The following CDH8 variants were observed in gnomAD, a reference collection of about 807,000 sequenced individuals.
The protein encoded by CDH8 is cadherin-8.
In CDH8, 17 loss-of-function variants were observed where a neutral mutation model predicts 68.1. The observed-to-expected ratio is 0.25, with a 90% CI of 0.17 to 0.37. The LOEUF is 0.37. CDH8 is among the 10% of genes least tolerant of loss of function. CDH8 has a pLI of 1.00. For synonymous variants in CDH8, 372 were observed against 365.1 expected, an observed-to-expected ratio of 1.02 and a Z score of -0.21; for missense variants, 763 against 999.3, an observed-to-expected ratio of 0.76 and a Z score of 3.19.
At chr16:61,695,449 C>T (rs1232074771) in intron 10 of CDH8, among the ~76,000 whole-genome samples, 1 of 152,102 alleles carries the variant, frequency 6.6e-6, no homozygotes, top group Non-Finnish European at 1.5e-5. Context: ...TAGTTCATGA[C>T]CTTATTTGGG....
intron 2 of CDH8, among the ~76,000 whole-genome samples, chr16:61,991,772 C>A (rs146909335): frequency 0.018 from 2,790 of 152,186 alleles, 37 homozygotes; most frequent in Non-Finnish European, 0.027. Context: ...ATCTATAATT[C>A]TGGAAGAGTT....
chr16:61,742,287 T>C (rs1241035905), intron 8 of CDH8, among the ~76,000 whole-genome samples: 5 of 152,118 alleles, frequency 3.3e-5, no homozygotes, highest in African/African-American at 1.2e-4. Flanking sequence ...ATCATGTTGA[T>C]TGTGAGTAAT....
intron 2 of CDH8, among the ~76,000 whole-genome samples, chr16:61,914,704 C>G (rs1451613634): frequency 6.7e-6 from 1 of 150,260 alleles, no homozygotes; most frequent in Non-Finnish European, 1.5e-5. Flanking sequence ...GCACATGTAC[C>G]CTAGAACTGA....
chr16:61,828,291 T>G (rs1169217377), intron 4 of CDH8, among the ~76,000 whole-genome samples: 1 of 151,880 alleles, frequency 6.6e-6, no homozygotes, highest in African/African-American at 2.4e-5. Flanking sequence ...GTTTAGCATA[T>G]CATCAAGAAA....
intron 3 of CDH8, among the ~76,000 whole-genome samples, chr16:61,862,326 C>T (rs1312310921): frequency 6.6e-6 from 1 of 152,054 alleles, no homozygotes; most frequent in African/African-American, 2.4e-5. Context: ...GGCTAGACAC[C>T]GGGCACATCA....
intron 2 of CDH8, among the ~76,000 whole-genome samples, chr16:62,010,617 T>C (rs1255492431): frequency 1.3e-5 from 2 of 152,186 alleles, no homozygotes; most frequent in South Asian, 2.1e-4. Flanking sequence ...ATAGATACTA[T>C]CATTTTATTC....
intron 2 of CDH8, among the ~76,000 whole-genome samples, chr16:61,970,609 G>A (rs540876600): frequency 3.9e-5 from 6 of 152,288 alleles, no homozygotes; most frequent in South Asian, 4.1e-4. Context: ...GACACAGAAC[G>A]CTTCTGTGAC....
chr16:61,744,678 CATT>C (rs1227003602), intron 8 of CDH8, among the ~76,000 whole-genome samples: 2 of 151,222 alleles, frequency 1.3e-5, no homozygotes, highest in African/African-American at 2.4e-5. Flanking sequence ...TCCATTTCCC[CATT>C]ATTATATTAC....
chr16:61,778,610 T>C (rs1269031743), intron 8 of CDH8, among the ~76,000 whole-genome samples: 6 of 152,174 alleles, frequency 3.9e-5, no homozygotes, highest in African/African-American at 1.4e-4. Flanking sequence ...TATGTCTCCA[T>C]CATTTTCTTA....
At chr16:61,783,853 G>A (rs1171248417) in intron 8 of CDH8, among the ~76,000 whole-genome samples, 2 of 152,110 alleles carry the variant, frequency 1.3e-5, no homozygotes, top group Non-Finnish European at 1.5e-5. Flanking sequence ...ATAAGTGAAG[G>A]AGAAATAAAA....
At position 61,699,502 on chromosome 16, in the gene CDH8, A is replaced by C. The variant is rs190218902; in HGVS notation, c.1654+14339T>G. On this transcript the variant is annotated intron_variant, in intron 10 of 11. Coordinates refer to ENST00000577390, the MANE Select transcript of CDH8 (RefSeq NM_001796.5). ...CTTACAATTTTTTCAGTTTGTCTAC[A>C]CTTTAACTTCAGTGGAGCGTTGATC... Among the ~76,000 whole-genome samples the C allele has an allele frequency of 3.0e-4, 45 of 152,270 alleles. No homozygotes were observed. The East Asian group carries it at 3.7e-3, about 12-fold the overall frequency.
intron 3 of CDH8, among the ~76,000 whole-genome samples, chr16:61,868,112 C>G (rs1229357033): frequency 6.6e-6 from 1 of 152,118 alleles, no homozygotes; most frequent in Non-Finnish European, 1.5e-5. Flanking sequence ...GCCTCTGAGT[C>G]TGCTATGAAT....
chr16:61,653,028 T>C lies in CDH8; in HGVS notation c.*580A>G. On this transcript the variant is annotated 3_prime_UTR_variant, in exon 12 of 12. Transcript: ENST00000577390. ...CACAATATTTAAAGATGCTATTCAGTCTCTAGTGAGTGGGGCCAACAATTA... is the reference window on the plus strand; with the variant it reads ...CACAATATTTAAAGATGCTATTCAGCCTCTAGTGAGTGGGGCCAACAATTA... The C allele has an allele frequency of 7.1e-7, 1 of 1,416,844 alleles. No individual in the cohort carries two copies. Among genetic ancestry groups the C allele is most frequent in the African/African-American group, 1.4e-5 (1 of 69,604 alleles). The allele number at this position is 1,416,844 out of a possible 1,614,324, so 87.8% of individuals were successfully genotyped here.
At chr16:61,758,734 T>A (rs1002042180) in intron 8 of CDH8, among the ~76,000 whole-genome samples, 1 of 152,162 alleles carries the variant, frequency 6.6e-6, no homozygotes, top group Non-Finnish European at 1.5e-5. Flanking sequence ...ATTCTCAGCT[T>A]CTCCAGAGAA....
intron 2 of CDH8, among the ~76,000 whole-genome samples, chr16:61,959,378 TG>T (rs1377396419): frequency 6.6e-6 from 1 of 152,174 alleles, no homozygotes; most frequent in African/African-American, 2.4e-5. Context: ...AATGCTTCTT[TG>T]TCCCATAGAA....
intron 2 of CDH8, among the ~76,000 whole-genome samples, chr16:61,926,056 A>C (rs1964451108): frequency 6.6e-6 from 1 of 152,140 alleles, no homozygotes; most frequent in African/African-American, 2.4e-5. Context: ...TTGATCAATG[A>C]GAAATCTGAG....
At chr16:61,724,287 G>A (rs908725716) in intron 9 of CDH8, among the ~76,000 whole-genome samples, 1 of 150,694 alleles carries the variant, frequency 6.6e-6, no homozygotes, top group Admixed American at 6.6e-5. Context: ...GGAGATAACT[G>A]CCTAGACAAG....
At chr16:61,766,128 T>C (rs1442438125) in intron 8 of CDH8, among the ~76,000 whole-genome samples, 2 of 151,850 alleles carry the variant, frequency 1.3e-5, no homozygotes, top group Non-Finnish European at 2.9e-5. Context: ...AGTGTTTTGT[T>C]CTTCACCTCC....
chr16:61,996,999 G>GTGTA (rs1359626417), intron 2 of CDH8, among the ~76,000 whole-genome samples: 1 of 146,712 alleles, frequency 6.8e-6, no homozygotes, highest in Non-Finnish European at 1.5e-5. Flanking sequence ...AATATTGTGT[G>GTGTA]TATGTGTGTG....
Sources: allele counts gnomAD v4.1 joint callset (sites outside exome capture counted in the v4.1 genomes callset), GRCh38; gene constraint gnomAD v4.1.1; transcripts MANE v1.5; gene names NCBI Gene and HGNC (gene_info 2026-07-23, HGNC 2026-07-21).